TTLL6: variants seen among roughly 807,000 people sequenced by gnomAD.
The protein encoded by TTLL6 is tubulin polyglutamylase TTLL6.
A neutral mutation model predicts 96.4 loss-of-function variants in TTLL6; 75 were observed. The ratio of observed to expected loss-of-function variants is 0.78; its 90% CI spans 0.65 to 0.94. The LOEUF is 0.94. TTLL6 is among the 40% of genes least tolerant of loss of function. The pLI is 0.00. For missense variants in TTLL6, 1,030 were observed against 1,093.0 expected, an observed-to-expected ratio of 0.94 and a Z score of 0.81; for synonymous variants, 411 against 419.4, an observed-to-expected ratio of 0.98 and a Z score of 0.24.
Position 48,787,971 on chromosome 17 carries a change from C to A in TTLL6, c.1429G>T (p.Val477Leu). The change falls in exon 11 of 16, where the codon GTG (valine) becomes TTG (leucine). Residue 477 changes from valine (V) to leucine (L), a missense_variant. Val to Leu is a conservative substitution (Grantham distance 32). Coordinates refer to ENST00000393382, the MANE Select transcript of TTLL6 (RefSeq NM_001130918.3). The stretch of plus-strand genomic sequence containing the variant: ...TACGTTTCAGTTTTCTTTAACTGCA[C>A]GGCCCGGAAACCCTTGGCTTCCTCA... ...RIEEAKGFRA[V>L]QLKKTETYEK... 6.2e-7 allele frequency: 1 copy of A among 1,614,072 alleles called. No homozygotes were observed. The highest frequency in any genetic ancestry group is 8.5e-7 in the Non-Finnish European group (1 of 1,179,988).
intron 13 of TTLL6, among the ~76,000 whole-genome samples, chr17:48,772,554 A>T (rs1175380759): frequency 2.0e-5 from 3 of 151,872 alleles, no homozygotes; most frequent in African/African-American, 7.3e-5. Flanking sequence ...ACATGGTGAA[A>T]CCCCGTCTCT....
intron 13 of TTLL6, among the ~76,000 whole-genome samples, chr17:48,782,893 T>G (rs1333461064): frequency 1.3e-5 from 2 of 151,682 alleles, no homozygotes; most frequent in East Asian, 3.9e-4. Flanking sequence ...TTTGTATTTT[T>G]GTAGAGACGG....
At chr17:48,786,102 C>CA in intron 12 of TTLL6, 62 bp downstream of exon 12, 5 of 1,604,614 alleles carry the variant, frequency 3.1e-6, no homozygotes. Context: ...AGCACCCCTC[C>CA]ACGGATCAGG....
intron 13 of TTLL6, among the ~76,000 whole-genome samples, chr17:48,775,296 G>A (rs1008988107): frequency 1.3e-5 from 2 of 151,766 alleles, no homozygotes; most frequent in Non-Finnish European, 2.9e-5. Context: ...TATCTTTTAT[G>A]AACTTAGACA....
At chr17:48,782,902 G>A (rs562563999) in intron 13 of TTLL6, among the ~76,000 whole-genome samples, 8 of 151,828 alleles carry the variant, frequency 5.3e-5, no homozygotes, top group African/African-American at 1.7e-4. Flanking sequence ...TTGTAGAGAC[G>A]GGGTTTCATC....
rs557391152 is a variant in TTLL6 at position 48,811,389 on chromosome 17, A to G, written c.103+5581T>C. Reference sequence around the variant, plus strand: ...ACCATGCCCAGCCTATTTTTCTTATAGTAGCATTGAGACATCTCTTTTTTA... The same window carrying G: ...ACCATGCCCAGCCTATTTTTCTTATGGTAGCATTGAGACATCTCTTTTTTA... On this transcript the variant is annotated intron_variant, in intron 1 of 15. Coordinates refer to ENST00000393382, the MANE Select transcript of TTLL6 (RefSeq NM_001130918.3). Among the ~76,000 whole-genome samples the G allele has an allele frequency of 2.0e-5, 3 of 152,048 alleles. No individual in the cohort carries two copies. In the East Asian group the frequency reaches 5.8e-4, roughly 29 times the overall value.
chr17:48,783,345 A>G (rs2039025184), intron 13 of TTLL6, among the ~76,000 whole-genome samples: 1 of 152,198 alleles, frequency 6.6e-6, no homozygotes, highest in African/African-American at 2.4e-5. Flanking sequence ...GTGCTAGGGC[A>G]GTTAGTACCA....
At chr17:48,813,745 A>G (rs1567739883) in intron 1 of TTLL6, among the ~76,000 whole-genome samples, 1 of 152,090 alleles carries the variant, frequency 6.6e-6, no homozygotes, top group Non-Finnish European at 1.5e-5. Context: ...TCTTTTCTCC[A>G]ATGTCCACAT....
intron 15 of TTLL6, among the ~76,000 whole-genome samples, chr17:48,767,318 G>A (rs371455325): frequency 1.3e-5 from 2 of 152,278 alleles, no homozygotes; most frequent in East Asian, 3.9e-4. Context: ...CTTAAACAAG[G>A]GCCCTCATAT....
At chr17:48,771,651 GTA>G (rs942634673) in intron 13 of TTLL6, among the ~76,000 whole-genome samples, 62 of 145,240 alleles carry the variant, frequency 4.3e-4, no homozygotes, top group Admixed American at 1.2e-3. Context: ...TATAAAATGT[GTA>G]TATATACACA....
At chr17:48,771,199 G>C (rs1002094873) in intron 13 of TTLL6, among the ~76,000 whole-genome samples, 1 of 152,128 alleles carries the variant, frequency 6.6e-6, no homozygotes, top group Non-Finnish European at 1.5e-5. Context: ...CATGCTGGGG[G>C]GTGTGGAATG....
chr17:48,807,077 CT>C (rs998685547), intron 1 of TTLL6, among the ~76,000 whole-genome samples: 1 of 151,658 alleles, frequency 6.6e-6, no homozygotes, highest in African/African-American at 2.4e-5. Flanking sequence ...AAAATAATTT[CT>C]TTTTTTGTTG....
chr17:48,770,230 G>T, intron 13 of TTLL6, 133 bp from the exon 14 acceptor site: 1 of 1,280,496 alleles, frequency 7.8e-7, no homozygotes, highest in African/African-American at 1.5e-5. Context: ...TTGGGCTCAA[G>T]TGATGCTCCT....
At chr17:48,789,896 A>T in intron 10 of TTLL6, 35 bp downstream of exon 10, 1 of 1,607,032 alleles carries the variant, frequency 6.2e-7, no homozygotes, top group Non-Finnish European at 8.5e-7. Context: ...GGAGTCAGAG[A>T]GAGAGCCCCG....
chr17:48,802,647 G>A (rs2039444924), intron 3 of TTLL6, among the ~76,000 whole-genome samples: 1 of 152,214 alleles, frequency 6.6e-6, no homozygotes, highest in Non-Finnish European at 1.5e-5. Flanking sequence ...AAGGTGGGCG[G>A]ATCACCTGAG....
intron 10 of TTLL6, 25 bp downstream of exon 10, chr17:48,789,906 G>T (rs199575651): frequency 2.5e-6 from 4 of 1,610,798 alleles, no homozygotes; most frequent in East Asian, 2.2e-5. Context: ...AGAGAGCCCC[G>T]CAAGGCTGGG....
At chr17:48,815,583 A>G (rs918595224) in intron 1 of TTLL6, among the ~76,000 whole-genome samples, 1 of 152,224 alleles carries the variant, frequency 6.6e-6, no homozygotes, top group African/African-American at 2.4e-5. Context: ...ACATCTAGAA[A>G]AGTGCTTTGA....
At chr17:48,772,729 C>CA (rs34457188) in intron 13 of TTLL6, among the ~76,000 whole-genome samples, 3,480 of 62,290 alleles carry the variant, frequency 0.056, 64 homozygotes, top group Middle Eastern at 0.069. Context: ...GACTCCGTCT[C>CA]AAAAAAAAAA....
chr17:48,811,494 T>C (rs2039591714), intron 1 of TTLL6, among the ~76,000 whole-genome samples: 1 of 152,066 alleles, frequency 6.6e-6, no homozygotes, highest in Admixed American at 6.6e-5. Context: ...ACCTTGGAAG[T>C]AGCTGGGATT....
Sources: gnomAD v4.1 joint callset for allele counts (sites outside exome capture counted in the v4.1 genomes callset) on GRCh38, gnomAD v4.1.1 for gene constraint, MANE v1.5 for transcripts, NCBI Gene and HGNC (gene_info 2026-07-23, HGNC 2026-07-21) for gene names.